ZNF48: variants seen among roughly 807,000 people sequenced by gnomAD.
ZNF48 encodes the protein zinc finger protein 553.
ZNF48 carries 20 observed loss-of-function variants against 40.0 expected under a neutral mutation model. That is an observed-to-expected ratio of 0.50 (90% CI 0.35 to 0.73). The LOEUF (loss-of-function observed/expected upper bound fraction) is 0.73. ZNF48 is among the 30% of genes least tolerant of loss of function. The pLI is 0.01. For missense variants in ZNF48, 726 were observed against 851.9 expected, an observed-to-expected ratio of 0.85 and a Z score of 1.84; for synonymous variants, 298 against 329.7, an observed-to-expected ratio of 0.90 and a Z score of 1.04.
chr16:30,391,363 T>A (rs1168143997), upstream of ZNF48, among the ~76,000 whole-genome samples: 2 of 151,684 alleles, frequency 1.3e-5, no homozygotes, highest in Admixed American at 6.6e-5. Flanking sequence ...CTAATTTTTT[T>A]ATTTTTAGTA....
Position 30,381,117 on chromosome 16 carries a change from T to C in ZNF48, c.-16+2707T>C. ...ACATGGGGTCAAAGGTCAGAGGTCA[T>C]CACTCACACCTTCTGCTTGAGGGCC... On this transcript the variant is annotated intron_variant, in intron 1 of 2. Coordinates refer to the ZNF48 transcript ENST00000528032. This position sits in a 1 kb window ranked among gnomAD's most constrained non-coding sequence, Gnocchi z 4.3. The C allele has an allele frequency of 6.3e-7, 1 of 1,599,708 alleles. No homozygotes were observed. The highest frequency in any genetic ancestry group is 8.6e-7 in the Non-Finnish European group (1 of 1,166,892).
In ZNF48 at chr16:30,397,184, TAGTA is replaced by T; in HGVS notation, c.80-142_80-139del. The T allele has an allele frequency of 1.4e-6, 1 of 700,474 alleles. No homozygotes were observed. The highest frequency in any genetic ancestry group is 2.4e-6 in the Non-Finnish European group (1 of 419,148). 43.4% of individuals were successfully genotyped at this position (700,474 alleles called of 1,614,324 possible). A position where few individuals can be genotyped will look rare whatever the true frequency, so the allele number is the denominator to read the frequency against. On this transcript the variant is annotated intron_variant, in intron 2 of 2. Coordinates refer to ENST00000613509, the MANE Select transcript of ZNF48 (RefSeq NM_001214909.2). The surrounding 1 kb of genome is among the most constrained non-coding windows in gnomAD (Gnocchi z 4.1). ...AGAAGTTTTTATTGAGAGGCACAGA[TAGTA>T]AGTGCACCAGAGGTTGAGAGGACAG...
Position 30,386,225 on chromosome 16 carries a change from G to A in ZNF48, c.-16+7815G>A, listed in dbSNP as rs147799989. 7.6e-4 allele frequency among the ~76,000 whole-genome samples: 116 copies of A among 152,234 alleles called. 1 individual carries two copies. The highest frequency in any genetic ancestry group is 2.7e-3 in the African/African-American group (111 of 41,540). On this transcript the variant is annotated intron_variant, in intron 1 of 2. Transcript: ENST00000528032. The stretch of plus-strand genomic sequence containing the variant: ...GCCCAGGAATTTGAGGCTGCAATGA[G>A]TCATTGTGGTGTCACTACACTTTAG...
chr16:30,392,081 G>A (rs534095087), upstream of ZNF48, among the ~76,000 whole-genome samples: 7 of 152,288 alleles, frequency 4.6e-5, no homozygotes, highest in South Asian at 1.4e-3. Context: ...GGAGCGCAGT[G>A]GCGCGATCTC....
Position 30,381,850 on chromosome 16 carries a change from C to T in ZNF48, c.-16+3440C>T, listed in dbSNP as rs41292380. 1,003 of 1,614,174 alleles carry T rather than the reference C, an allele frequency of 6.2e-4. No homozygotes were observed. The highest frequency in any genetic ancestry group is 8.1e-4 in the Non-Finnish European group (955 of 1,180,026). ...ACCCCCTTCCTCAATCTCTACGCCC[C>T]GGCGCTCAATGGCCAGGGTCTGTGT... On this transcript the variant is annotated intron_variant, in intron 1 of 2. Coordinates refer to the ZNF48 transcript ENST00000528032. The surrounding 1 kb of genome is among the most constrained non-coding windows in gnomAD (Gnocchi z 4.3).
At chr16:30,387,620 G>A (rs761196483) in intron 1 of ZNF48, among the ~76,000 whole-genome samples, 11 of 148,284 alleles carry the variant, frequency 7.4e-5, no homozygotes, top group South Asian at 2.2e-4. Flanking sequence ...GTACAATGGC[G>A]CGATCTCGGC....
intron 1 of ZNF48, among the ~76,000 whole-genome samples, chr16:30,387,237 C>A (rs901344677): frequency 2.0e-5 from 3 of 147,612 alleles, no homozygotes; most frequent in Non-Finnish European, 3.0e-5. Context: ...GCCACCGCGC[C>A]CGGCCTTTTT....
Position 30,378,411 on chromosome 16 carries a change from G to T in ZNF48, c.-16+1G>T. On this transcript the variant is annotated splice_donor_variant, in intron 1 of 2. Coordinates refer to the ZNF48 transcript ENST00000528032. LOFTEE classifies it low-confidence loss of function (5UTR_SPLICE). ...GAGGCCGACTGAAGGCGGAGCCGAG[G>T]TAAGGCCGGGCGGGGCGTGGCCTCA... The T allele has an allele frequency of 6.5e-7, 1 of 1,548,284 alleles. No homozygotes were observed. Among genetic ancestry groups the T allele is most frequent in the Non-Finnish European group, 8.6e-7 (1 of 1,157,536 alleles).
intron 1 of ZNF48, among the ~76,000 whole-genome samples, chr16:30,387,186 G>T (rs1336672060): frequency 6.2e-5 from 9 of 145,364 alleles, no homozygotes; most frequent in African/African-American, 2.0e-4. Context: ...CTTGTGATCC[G>T]CCCGCCTTGG....
chr16:30,396,688 CTTTT>C (rs1167683501), intron 2 of ZNF48, among the ~76,000 whole-genome samples: 35 of 112,060 alleles, frequency 3.1e-4, no homozygotes, highest in Non-Finnish European at 4.4e-4. Flanking sequence ...CGCTTTGCTA[CTTTT>C]TTTTTTTTTT....
chr16:30,395,323 C>A, upstream of ZNF48: 1 of 453,646 alleles, frequency 2.2e-6, no homozygotes, highest in Admixed American at 2.4e-5. This position sits in a 1 kb window ranked among gnomAD's most constrained non-coding sequence, Gnocchi z 5.9. Flanking sequence ...CGCCCGCCGG[C>A]CACAGAGCTA....
chr16:30,378,574 G>A, intron 1 of ZNF48: 1 of 1,609,140 alleles, frequency 6.2e-7, no homozygotes, highest in South Asian at 1.1e-5. Context: ...GGGGGACCTG[G>A]GGCATCGGTC....
At chr16:30,384,877 C>CA (rs2049888438) in intron 1 of ZNF48, among the ~76,000 whole-genome samples, 3 of 147,350 alleles carry the variant, frequency 2.0e-5, no homozygotes, top group Admixed American at 1.4e-4. Context: ...GACTCCGTCT[C>CA]AAAAAAATAA....
At chr16:30,380,948 T>A in intron 1 of ZNF48, 1 of 668,016 alleles carries the variant, frequency 1.5e-6, no homozygotes, top group South Asian at 1.8e-5. Context: ...GTAGCCTATT[T>A]TGAGCCTTCA....
intron 1 of ZNF48, chr16:30,379,537 G>C: frequency 6.2e-7 from 1 of 1,612,046 alleles, no homozygotes. Flanking sequence ...ATGCTTTCCT[G>C]GAGGGCAGGG....
chr16:30,398,094 A>G lies in ZNF48; in HGVS notation c.844A>G (p.Lys282Glu). 1 of 1,613,482 alleles carries G rather than the reference A, an allele frequency of 6.2e-7. No individual in the cohort carries two copies. ...DKPYICTDCGKRFVLSCSLLS... is the reference protein window; with the variant it reads ...DKPYICTDCGERFVLSCSLLS... ...GCCATATATCTGCACTGATTGCGGC[A>G]AGAGGTTTGTGCTCAGCTGCAGCCT... The change falls in exon 3 of 3, where the codon AAG becomes GAG. Residue 282 changes from lysine to glutamate, a missense_variant. Physicochemically the swap from Lys to Glu is moderately conservative, Grantham distance 56. This residue lies in a region of ZNF48 where 378 missense variants were observed against 449.1 expected (regional missense o/e 0.84). Coordinates refer to ENST00000613509, the MANE Select transcript of ZNF48 (RefSeq NM_001214909.2). This position sits in a 1 kb window ranked among gnomAD's most constrained non-coding sequence, Gnocchi z 6.6.
chr16:30,398,346 C>G lies in ZNF48; in HGVS notation c.1096C>G (p.Arg366Gly), dbSNP rs771845027. 2 of 1,613,404 alleles carry G rather than the reference C, an allele frequency of 1.2e-6. No homozygotes were observed. Among genetic ancestry groups the G allele is most frequent in the Non-Finnish European group, 1.7e-6 (2 of 1,179,930 alleles). ...GCCCCATGCCTGCCCGGAATGCGAC[C>G]GTACCTTCAGCCTCAGCTCCACCCT... is the stretch of plus-strand genomic sequence containing the variant. ...ERPHACPECDRTFSLSSTLLR... is the reference protein window; with the variant it reads ...ERPHACPECDGTFSLSSTLLR... The change falls in exon 3 of 3, where the codon CGT (arginine) becomes GGT (glycine). Residue 366 changes from arginine (R) to glycine (G), a missense_variant. Arg to Gly is a moderately radical substitution (Grantham distance 125, BLOSUM62 -2). This residue lies in a region of ZNF48 where 378 missense variants were observed against 449.1 expected (regional missense o/e 0.84). Coordinates refer to ENST00000613509, the MANE Select transcript of ZNF48 (RefSeq NM_001214909.2). The surrounding 1 kb of genome is among the most constrained non-coding windows in gnomAD (Gnocchi z 6.6).
At chr16:30,395,205 A>G (rs1351779646), upstream of ZNF48, 1 of 455,986 alleles carries the variant, frequency 2.2e-6, no homozygotes, top group East Asian at 7.0e-5. The surrounding 1 kb of genome is among the most constrained non-coding windows in gnomAD (Gnocchi z 5.9). Context: ...ACAATTACGA[A>G]GAGCCTCGGG....
chr16:30,380,516 T>C (rs558522523), intron 1 of ZNF48: 5 of 156,762 alleles, frequency 3.2e-5, no homozygotes, highest in Admixed American at 1.9e-4. Flanking sequence ...TGCCGTGGCT[T>C]GTCTTAAACT....
Sources: gnomAD v4.1 joint callset for allele counts (sites outside exome capture counted in the v4.1 genomes callset) on GRCh38, gnomAD v4.1.1 for gene constraint, gnomAD v4.1.1 regional missense constraint, Gnocchi (gnomAD v3.1) non-coding constraint, MANE v1.5 for transcripts, NCBI Gene and HGNC (gene_info 2026-07-23, HGNC 2026-07-21) for gene names.